Variants in ASTN2 observed in about 807,000 individuals in gnomAD.
ASTN2 encodes the protein astrotactin 2, also known as astrotactin-2.
In ASTN2, 54 loss-of-function variants were observed where a neutral mutation model predicts 139.8. The ratio of observed to expected loss-of-function variants is 0.39; its 90% CI spans 0.31 to 0.48. The LOEUF (loss-of-function observed/expected upper bound fraction) is 0.48, where lower values mean the gene tolerates loss of function less well. Among genes scored for constraint, ASTN2 ranks in the 20% least tolerant of loss-of-function variants. The pLI is 0.95. For synonymous variants in ASTN2, 756 were observed against 719.5 expected, an observed-to-expected ratio of 1.05 and a Z score of -0.81; for missense variants, 1,565 against 1,725.1, an observed-to-expected ratio of 0.91 and a Z score of 1.64.
intron 1 of ASTN2, among the ~76,000 whole-genome samples, chr9:117,299,425 A>G (rs1834820898): frequency 6.6e-6 from 1 of 152,216 alleles, no homozygotes; most frequent in African/African-American, 2.4e-5. Context: ...AGAGGAAAGG[A>G]GATTACTTCT....
chr9:116,882,550 C>A (rs868291928), intron 10 of ASTN2, among the ~76,000 whole-genome samples: 1 of 152,056 alleles, frequency 6.6e-6, no homozygotes, highest in Middle Eastern at 3.4e-3. Flanking sequence ...GTCATGAGTA[C>A]GGAGGCAGAA....
intron 19 of ASTN2, among the ~76,000 whole-genome samples, chr9:116,490,528 G>A (rs1849485404): frequency 1.3e-5 from 2 of 152,076 alleles, no homozygotes; most frequent in Admixed American, 1.3e-4. Context: ...TTATCACATT[G>A]CTATGAAGAA....
rs73520337 is a variant in ASTN2 at position 116,427,422 on chromosome 9, T to C, written c.3783-1334A>G. Reference sequence around the variant, plus strand: ...ACTGAGGCTTAGAGAAGGAATAGAATATCTTTATCCCAGGTCACATTACAA... The same window carrying C: ...ACTGAGGCTTAGAGAAGGAATAGAACATCTTTATCCCAGGTCACATTACAA... On this transcript the variant is annotated intron_variant, in intron 22 of 22. Coordinates refer to ENST00000313400, the MANE Select transcript of ASTN2 (RefSeq NM_001365068.1). 6.7e-3 allele frequency among the ~76,000 whole-genome samples: 1,019 copies of C among 152,328 alleles called. 9 individuals carry two copies. The highest frequency in any genetic ancestry group is 0.023 in the African/African-American group (953 of 41,578).
intron 6 of ASTN2, among the ~76,000 whole-genome samples, chr9:117,024,558 A>G (rs1268891155): frequency 1.3e-5 from 2 of 152,114 alleles, no homozygotes; most frequent in African/African-American, 4.8e-5. Context: ...GTATGGTTCA[A>G]TTGAGAGATG....
At chr9:117,223,126 G>T (rs141794987) in intron 2 of ASTN2, among the ~76,000 whole-genome samples, 22 of 152,264 alleles carry the variant, frequency 1.4e-4, no homozygotes, top group South Asian at 6.2e-4. Flanking sequence ...GGCAAAATCA[G>T]CTGTATACCT....
chr9:116,465,027 G>A (rs7857002), intron 20 of ASTN2, among the ~76,000 whole-genome samples: 46,173 of 152,098 alleles, frequency 0.3, 7,434 homozygotes, highest in East Asian at 0.49. Flanking sequence ...ACCTAGATAT[G>A]GACCCGGCTC....
At chr9:117,001,200 G>T (rs78135233) in intron 7 of ASTN2, among the ~76,000 whole-genome samples, 7,832 of 152,234 alleles carry the variant, frequency 0.051, 244 homozygotes, top group East Asian at 0.15. Context: ...TTTAAGGAAT[G>T]ATAACCAGTG....
intron 11 of ASTN2, among the ~76,000 whole-genome samples, chr9:116,851,177 A>C (rs1832588495): frequency 6.6e-6 from 1 of 152,194 alleles, no homozygotes; most frequent in African/African-American, 2.4e-5. Context: ...CATTACCAAC[A>C]GTCAAGAATC....
intron 4 of ASTN2, among the ~76,000 whole-genome samples, chr9:117,132,623 A>T (rs893784511): frequency 3.9e-5 from 6 of 152,160 alleles, no homozygotes; most frequent in Admixed American, 2.0e-4. Context: ...TCTGAAAGAC[A>T]CATCAGGGAA....
At chr9:117,343,853 T>C (rs978773740) in intron 1 of ASTN2, among the ~76,000 whole-genome samples, 28 of 151,638 alleles carry the variant, frequency 1.8e-4, no homozygotes, top group Admixed American at 6.6e-5. Flanking sequence ...CCTGATTCCA[T>C]GAATAATTAA....
At chr9:116,432,158 T>C (rs895208725) in intron 22 of ASTN2, among the ~76,000 whole-genome samples, 1 of 152,128 alleles carries the variant, frequency 6.6e-6, no homozygotes, top group Non-Finnish European at 1.5e-5. Context: ...TGTGACACAA[T>C]TGTCAAGCAC....
At chr9:116,710,919 T>A (rs1402867933) in intron 16 of ASTN2, among the ~76,000 whole-genome samples, 7 of 152,150 alleles carry the variant, frequency 4.6e-5, no homozygotes, top group African/African-American at 1.7e-4. Context: ...ATTTAATGAT[T>A]CTGTAAAAGT....
intron 1 of ASTN2, among the ~76,000 whole-genome samples, chr9:117,344,147 A>G (rs1829143960): frequency 6.6e-6 from 1 of 151,992 alleles, no homozygotes; most frequent in Non-Finnish European, 1.5e-5. Context: ...CTGAAAAACG[A>G]TGCCAGAACT....
chr9:117,141,611 A>T, intron 3 of ASTN2, 133 bp from the exon 4 acceptor site: 1 of 683,866 alleles, frequency 1.5e-6, no homozygotes, highest in South Asian at 1.9e-5. Context: ...AATTCCTTGA[A>T]ACTCCCTCCC....
intron 3 of ASTN2, among the ~76,000 whole-genome samples, chr9:117,170,831 T>A (rs1830774678): frequency 6.6e-6 from 1 of 152,162 alleles, no homozygotes; most frequent in East Asian, 1.9e-4. Flanking sequence ...GCAAAACAAC[T>A]CTGCTTTTCC....
At chr9:116,441,730 A>G (rs1216227389) in intron 21 of ASTN2, among the ~76,000 whole-genome samples, 1 of 152,136 alleles carries the variant, frequency 6.6e-6, no homozygotes, top group Non-Finnish European at 1.5e-5. Flanking sequence ...CTTTTGAGAA[A>G]TAATTGTTCA....
chr9:117,172,402 G>T (rs1016245383), intron 3 of ASTN2, among the ~76,000 whole-genome samples: 1 of 152,124 alleles, frequency 6.6e-6, no homozygotes, highest in Non-Finnish European at 1.5e-5. Flanking sequence ...CTGGGTGGTG[G>T]TTACTTGAGT....
chr9:117,291,131 A>G (rs1834579344), intron 2 of ASTN2, among the ~76,000 whole-genome samples, 195 bp downstream of exon 2: 2 of 152,250 alleles, frequency 1.3e-5, no homozygotes, highest in South Asian at 2.1e-4. Flanking sequence ...AGTTTGTCAC[A>G]GCTGACAGAT....
chr9:117,207,653 G>A (rs1242731661), intron 3 of ASTN2, among the ~76,000 whole-genome samples: 2 of 152,212 alleles, frequency 1.3e-5, no homozygotes, highest in Non-Finnish European at 2.9e-5. Context: ...CTGAGCCTGA[G>A]AAACATCCCT....
Sources: gnomAD v4.1 joint callset for allele counts (sites outside exome capture counted in the v4.1 genomes callset) on GRCh38, gnomAD v4.1.1 for gene constraint, MANE v1.5 for transcripts, NCBI Gene and HGNC (gene_info 2026-07-23, HGNC 2026-07-21) for gene names.